SNTB1: variants seen among roughly 807,000 people sequenced by gnomAD.
SNTB1 encodes the protein syntrophin beta 1, also known as beta-1-syntrophin.
SNTB1 carries 36 observed loss-of-function variants against 48.9 expected under a neutral mutation model. The ratio of observed to expected loss-of-function variants is 0.74; its 90% CI spans 0.56 to 0.97. The LOEUF (loss-of-function observed/expected upper bound fraction) is 0.97. Among genes scored for constraint, SNTB1 ranks in the 50% least tolerant of loss-of-function variants. The probability of loss-of-function intolerance (pLI) is 0.00; values close to 1 mark genes in which losing one functional copy is unlikely to be tolerated. For missense variants in SNTB1, 786 were observed against 703.4 expected (o/e 1.12, Z -1.33); for synonymous variants, 299 against 294.6 (o/e 1.01, Z -0.15).
chr8:120,692,852 A>G (rs1321711939), intron 2 of SNTB1, among the ~76,000 whole-genome samples: 2 of 152,164 alleles, frequency 1.3e-5, no homozygotes, highest in African/African-American at 4.8e-5. Context: ...ATATTCATGG[A>G]AGGTTTTCCT....
At chr8:120,623,661 G>A (rs888072997) in intron 3 of SNTB1, among the ~76,000 whole-genome samples, 2 of 152,168 alleles carry the variant, frequency 1.3e-5, no homozygotes, top group African/African-American at 2.4e-5. Flanking sequence ...AGTAGAGTGC[G>A]TTCACCATCT....
At chr8:120,746,433 C>T (rs1447006215) in intron 1 of SNTB1, among the ~76,000 whole-genome samples, 2 of 152,050 alleles carry the variant, frequency 1.3e-5, no homozygotes, top group South Asian at 2.1e-4. Context: ...TAAGTGAGTA[C>T]AGAGTCAAAA....
chr8:120,624,862 A>C (rs1171685813), intron 3 of SNTB1, among the ~76,000 whole-genome samples: 1 of 152,250 alleles, frequency 6.6e-6, no homozygotes, highest in Non-Finnish European at 1.5e-5. Flanking sequence ...CTGTTCCAAA[A>C]GGGAGAAATA....
chr8:120,633,196 G>C (rs4609236), intron 2 of SNTB1, among the ~76,000 whole-genome samples: 1 of 152,160 alleles, frequency 6.6e-6, no homozygotes, highest in Non-Finnish European at 1.5e-5. Context: ...GCATCTTTTA[G>C]GAATTTTATC....
intron 2 of SNTB1, among the ~76,000 whole-genome samples, chr8:120,680,899 C>T (rs1286779708): frequency 2.0e-5 from 3 of 152,018 alleles, no homozygotes; most frequent in Non-Finnish European, 2.9e-5. Flanking sequence ...CTGACAGGTA[C>T]GGACATGGGC....
intron 2 of SNTB1, among the ~76,000 whole-genome samples, chr8:120,684,798 G>C (rs890831051): frequency 6.6e-6 from 1 of 151,972 alleles, no homozygotes; most frequent in African/African-American, 2.4e-5. Flanking sequence ...GGGATTACAG[G>C]CATCTGCCAC....
At chr8:120,723,174 A>G (rs999459948) in intron 1 of SNTB1, among the ~76,000 whole-genome samples, 57 of 152,310 alleles carry the variant, frequency 3.7e-4, no homozygotes, top group Non-Finnish European at 6.6e-4. Flanking sequence ...CAATCTGATT[A>G]TCTAATCACA....
At chr8:120,545,591 T>C (rs906630529) in intron 5 of SNTB1, among the ~76,000 whole-genome samples, 1 of 152,184 alleles carries the variant, frequency 6.6e-6, no homozygotes, top group Non-Finnish European at 1.5e-5. Context: ...CAGCTAAAGC[T>C]TGGAAGCATG....
At chr8:120,574,741 CT>C (rs1248019537) in intron 4 of SNTB1, among the ~76,000 whole-genome samples, 2 of 152,262 alleles carry the variant, frequency 1.3e-5, no homozygotes, top group African/African-American at 4.8e-5. Context: ...AAGACCCTTG[CT>C]TGGTGATTCT....
intron 3 of SNTB1, among the ~76,000 whole-genome samples, chr8:120,580,715 T>C (rs28415690): frequency 0.23 from 34,520 of 152,122 alleles, 4,139 homozygotes; most frequent in Middle Eastern, 0.3. Context: ...GGTGTAATAA[T>C]AATAATTAGC....
At chr8:120,767,111 G>A (rs953155161) in intron 1 of SNTB1, among the ~76,000 whole-genome samples, 11 of 151,942 alleles carry the variant, frequency 7.2e-5, no homozygotes, top group African/African-American at 2.4e-4. Flanking sequence ...ATTTATTTTG[G>A]TTCCCAAGCC....
chr8:120,539,017 G>C, intron 6 of SNTB1, 48 bp from the exon 7 acceptor site: 5 of 1,418,754 alleles, frequency 3.5e-6, no homozygotes, highest in Non-Finnish European at 4.9e-6. Context: ...ATTAATGCTT[G>C]ATGTAGATGG....
At chr8:120,618,137 T>C (rs946409475) in intron 3 of SNTB1, among the ~76,000 whole-genome samples, 1 of 152,182 alleles carries the variant, frequency 6.6e-6, no homozygotes, top group Admixed American at 6.6e-5. Context: ...GTTTAAGAGC[T>C]TTCTTAACCT....
intron 1 of SNTB1, among the ~76,000 whole-genome samples, chr8:120,745,559 T>C (rs1388343186): frequency 6.6e-6 from 1 of 152,138 alleles, no homozygotes; most frequent in East Asian, 1.9e-4. Flanking sequence ...ATGTTTCTTT[T>C]TCCACCTACT....
chr8:120,619,987 T>C (rs1052648450), intron 3 of SNTB1, among the ~76,000 whole-genome samples: 2 of 152,194 alleles, frequency 1.3e-5, no homozygotes, highest in African/African-American at 4.8e-5. Flanking sequence ...GAATAGAATA[T>C]TGGATCAGTA....
At position 120,686,083 on chromosome 8, in the gene SNTB1, C is replaced by T. The variant is rs150799645; in HGVS notation, c.788+7609G>A. Among the ~76,000 whole-genome samples, 554 of 152,280 alleles carry T rather than the reference C, an allele frequency of 3.6e-3. 4 individuals carry two copies. The highest frequency in any genetic ancestry group is 7.4e-3 in the African/African-American group (306 of 41,542). ...TGACCATGGCCACATAAGATAATTTCGAAGAAGACTGAGGCTTTCTCTACA... is the reference window on the plus strand; with the variant it reads ...TGACCATGGCCACATAAGATAATTTTGAAGAAGACTGAGGCTTTCTCTACA... On this transcript the variant is annotated intron_variant, in intron 2 of 6. Transcript: ENST00000517992.
chr8:120,644,971 G>A (rs1817261832), intron 2 of SNTB1, among the ~76,000 whole-genome samples: 1 of 151,868 alleles, frequency 6.6e-6, no homozygotes, highest in Non-Finnish European at 1.5e-5. Flanking sequence ...CTTTTGAGAA[G>A]TGTCTGTTCA....
At chr8:120,787,215 A>G (rs148771854) in intron 1 of SNTB1, among the ~76,000 whole-genome samples, 160 of 152,348 alleles carry the variant, frequency 1.1e-3, no homozygotes, top group African/African-American at 3.7e-3. Context: ...ATAATTTTTA[A>G]AAAAAGTTGA....
chr8:120,575,692 T>C (rs1815939626), intron 3 of SNTB1, among the ~76,000 whole-genome samples: 1 of 152,222 alleles, frequency 6.6e-6, no homozygotes, highest in South Asian at 2.1e-4. Flanking sequence ...TATCACAGCC[T>C]CTTTCCCTAG....
Sources: gnomAD v4.1 joint callset for allele counts (sites outside exome capture counted in the v4.1 genomes callset) on GRCh38, gnomAD v4.1.1 for gene constraint, MANE v1.5 for transcripts, NCBI Gene and HGNC (gene_info 2026-07-23, HGNC 2026-07-21) for gene names.